TRIM5: variants seen among roughly 807,000 people sequenced by gnomAD.
TRIM5 encodes the protein tripartite motif-containing protein 5.
A neutral mutation model predicts 35.6 loss-of-function variants in TRIM5; 31 were observed. The ratio of observed to expected loss-of-function variants is 0.87; its 90% confidence interval spans 0.65 to 1.18. The LOEUF is 1.18. Ranked by LOEUF, TRIM5 falls within the 50% of genes most tolerant of loss-of-function variation. TRIM5 has a pLI of 0.00. For missense variants in TRIM5, 609 were observed against 591.6 expected (o/e 1.03, Z -0.31); for synonymous variants, 243 against 215.6 (o/e 1.13, Z -1.11).
At chr11:5,599,434 C>T in the TRIM5 span, among the ~76,000 whole-genome samples, 3 of 136,078 alleles carry the variant, frequency 2.2e-5, no homozygotes, top group Admixed American at 2.4e-4. Flanking sequence ...GACGGAGTCT[C>T]GCTCTGTCGC....
At chr11:5,596,658 C>CT in the TRIM5 span, 1 of 532,364 alleles carries the variant, frequency 1.9e-6, no homozygotes, top group East Asian at 3.7e-5. Context: ...GGAGATGAGC[C>CT]TTCCGCAAAC....
intron 1 of TRIM5, among the ~76,000 whole-genome samples, chr11:5,684,339 C>T (rs1265319865): frequency 1.3e-5 from 2 of 152,184 alleles, no homozygotes; most frequent in African/African-American, 4.8e-5. Context: ...TTACTCTCCA[C>T]TCCTAGCAAG....
chr11:5,671,904 A>T (rs1851615424), intron 4 of TRIM5, among the ~76,000 whole-genome samples: 3 of 152,176 alleles, frequency 2.0e-5, no homozygotes. Flanking sequence ...TAAATAACTA[A>T]TATGAGACCC....
the TRIM5 span, among the ~76,000 whole-genome samples, chr11:5,652,136 T>A: frequency 1.3e-5 from 2 of 151,844 alleles, no homozygotes; most frequent in African/African-American, 4.8e-5. Flanking sequence ...TTGGTTTTGG[T>A]TTTTTTTGCT....
chr11:5,609,655 A>G, the TRIM5 span, among the ~76,000 whole-genome samples: 4 of 152,140 alleles, frequency 2.6e-5, no homozygotes, highest in South Asian at 2.1e-4. Context: ...AGGCGCAGTG[A>G]CTCACACCTG....
the TRIM5 span, among the ~76,000 whole-genome samples, chr11:5,656,496 A>G: frequency 6.6e-6 from 1 of 152,036 alleles, no homozygotes; most frequent in Non-Finnish European, 1.5e-5. Context: ...CTGGGATTAC[A>G]GGCATGCACC....
the TRIM5 span, among the ~76,000 whole-genome samples, chr11:5,601,296 A>T: frequency 6.6e-6 from 1 of 152,350 alleles, no homozygotes; most frequent in South Asian, 2.1e-4. Flanking sequence ...GGTTATGCCA[A>T]TTCTACAACT....
At chr11:5,652,883 G>A in the TRIM5 span, among the ~76,000 whole-genome samples, 9 of 144,508 alleles carry the variant, frequency 6.2e-5, no homozygotes, top group African/African-American at 1.0e-4. Flanking sequence ...GCAGAGTCTC[G>A]CTCTGTTGCC....
At chr11:5,595,414 C>G in the TRIM5 span, 1 of 152,200 alleles carries the variant, frequency 6.6e-6, no homozygotes, top group Non-Finnish European at 1.5e-5. Flanking sequence ...ACACACACAG[C>G]TTTATACATA....
chr11:5,639,088 T>G, the TRIM5 span, among the ~76,000 whole-genome samples: 1 of 152,184 alleles, frequency 6.6e-6, no homozygotes, highest in Non-Finnish European at 1.5e-5. Context: ...AAGTTGTATG[T>G]CTAAGAATGC....
chr11:5,667,575 C>T (rs540019805), intron 5 of TRIM5, 114 bp downstream of exon 5: 21 of 1,115,770 alleles, frequency 1.9e-5, no homozygotes, highest in South Asian at 5.8e-5. Context: ...AAAACAATAT[C>T]GAAATTTTTC....
the TRIM5 span, chr11:5,603,162 T>C: frequency 6.5e-7 from 1 of 1,528,532 alleles, no homozygotes; most frequent in East Asian, 2.3e-5. Flanking sequence ...GTCTGACCTC[T>C]TTATCCAGGA....
At chr11:5,646,043 A>G in the TRIM5 span, among the ~76,000 whole-genome samples, 2 of 114,836 alleles carry the variant, frequency 1.7e-5, no homozygotes, top group African/African-American at 6.8e-5. Flanking sequence ...ACATAAATAT[A>G]TTAGATTATA....
At chr11:5,657,233 T>A in the TRIM5 span, among the ~76,000 whole-genome samples, 2 of 151,952 alleles carry the variant, frequency 1.3e-5, no homozygotes, top group Admixed American at 1.3e-4. Flanking sequence ...ACACTGCATG[T>A]TCTCACTTAT....
chr11:5,643,125 A>ATATATTTTTTT, the TRIM5 span: 1 of 974,266 alleles, frequency 1.0e-6, no homozygotes, highest in South Asian at 3.1e-5. Context: ...ATATATATAT[A>ATATATTTTTTT]TTTTTTTTTT....
chr11:5,649,277 A>T, the TRIM5 span, among the ~76,000 whole-genome samples: 8 of 152,180 alleles, frequency 5.3e-5, no homozygotes, highest in African/African-American at 1.9e-4. Flanking sequence ...TCCACTAACC[A>T]TTCCATATTC....
Position 5,678,412 on chromosome 11 carries a change from G to C in TRIM5, c.536C>G (p.Thr179Ser), listed in dbSNP as rs1360440198. The C allele has an allele frequency of 1.9e-6, 3 of 1,584,008 alleles. No homozygotes were observed. The highest frequency in any genetic ancestry group is 1.3e-5 in the African/African-American group (1 of 74,164). Residue 179 changes from threonine (T) to serine (S), a missense_variant, in exon 4 of 8, where the codon ACC becomes AGC. Physicochemically the swap from Thr to Ser is moderately conservative, Grantham distance 58. Transcript: ENST00000380034. ...TTGCTCAAAATCTGCCAAGACGTTG[G>C]TTTTGTCATACTGTATTTGAGTCTT... ...SWKTQIQYDK[T>S]NVLADFEQLR...
the TRIM5 span, among the ~76,000 whole-genome samples, chr11:5,627,589 T>A: frequency 2.6e-5 from 4 of 152,184 alleles, no homozygotes; most frequent in African/African-American, 9.7e-5. Flanking sequence ...AAAAAATAGC[T>A]TTTTGGAGAT....
intron 5 of TRIM5, 105 bp from the exon 6 acceptor site, chr11:5,666,186 C>A: frequency 2.1e-6 from 2 of 935,552 alleles, no homozygotes; most frequent in South Asian, 1.5e-5. Context: ...CTTGAACTCT[C>A]TTCTTGGGGA....
Sources: allele counts gnomAD v4.1 joint callset (sites outside exome capture counted in the v4.1 genomes callset), GRCh38; gene constraint gnomAD v4.1.1; transcripts MANE v1.5; gene names NCBI Gene and HGNC (gene_info 2026-07-23, HGNC 2026-07-21).